Variants in IQCM observed in about 807,000 individuals in gnomAD.
The protein encoded by IQCM is IQ domain-containing protein M.
Under a neutral mutation model 57.6 loss-of-function variants are expected in IQCM, and 45 were observed. That is an observed-to-expected ratio of 0.78 (90% confidence interval 0.62 to 1.00). The LOEUF (loss-of-function observed/expected upper bound fraction) is 1.00. Ranked by LOEUF, IQCM falls within the 50% of genes least tolerant of loss-of-function variation. IQCM has a pLI of 0.00. For missense variants in IQCM, 468 were observed against 511.6 expected, an observed-to-expected ratio of 0.91 and a Z score of 0.82; for synonymous variants, 148 against 158.9, an observed-to-expected ratio of 0.93 and a Z score of 0.51.
At chr4:149,649,197 C>T (rs1468215881) in intron 7 of IQCM, among the ~76,000 whole-genome samples, 1 of 151,914 alleles carries the variant, frequency 6.6e-6, no homozygotes, top group Non-Finnish European at 1.5e-5. Flanking sequence ...AAAAGGACCC[C>T]TCCTTTTCTT....
At chr4:149,751,522 C>A (rs941533096) in intron 2 of IQCM, among the ~76,000 whole-genome samples, 4 of 152,166 alleles carry the variant, frequency 2.6e-5, no homozygotes, top group Non-Finnish European at 5.9e-5. Flanking sequence ...CTGGGAGCTG[C>A]ACAGTCCCAG....
intron 8 of IQCM, among the ~76,000 whole-genome samples, chr4:149,588,699 G>A (rs1752863951): frequency 6.6e-6 from 1 of 151,798 alleles, no homozygotes; most frequent in African/African-American, 2.4e-5. Flanking sequence ...AGAAACATCA[G>A]GAGAAACCAA....
chr4:149,422,982 A>G (rs1439499369), intron 13 of IQCM, among the ~76,000 whole-genome samples: 1 of 152,086 alleles, frequency 6.6e-6, no homozygotes, highest in Non-Finnish European at 1.5e-5. Flanking sequence ...ATATTGATGC[A>G]TAGGACATTA....
chr4:149,491,303 A>G (rs1207568809), intron 12 of IQCM, among the ~76,000 whole-genome samples: 1 of 152,090 alleles, frequency 6.6e-6, no homozygotes, highest in East Asian at 1.9e-4. Flanking sequence ...AACACTTAAA[A>G]TTATTCTCTT....
chr4:149,717,738 C>T (rs1453621458), intron 5 of IQCM, among the ~76,000 whole-genome samples: 1 of 152,146 alleles, frequency 6.6e-6, no homozygotes, highest in African/African-American at 2.4e-5. Context: ...TTATGGGTCC[C>T]TTGGCTACAT....
chr4:149,622,427 C>T (rs1756428410), intron 7 of IQCM, among the ~76,000 whole-genome samples: 1 of 151,052 alleles, frequency 6.6e-6, no homozygotes, highest in African/African-American at 2.4e-5. Flanking sequence ...ACTGCAAGCT[C>T]TGCCTCCCAG....
intron 13 of IQCM, among the ~76,000 whole-genome samples, chr4:149,374,993 GTGTGT>G (rs752077261): frequency 2.0e-3 from 253 of 123,684 alleles, no homozygotes; most frequent in Middle Eastern, 4.3e-3. Context: ...GTGTGTGTGT[GTGTGT>G]TGTGTGTGTG....
chr4:149,755,607 C>T (rs182351896), intron 2 of IQCM, among the ~76,000 whole-genome samples: 1 of 152,310 alleles, frequency 6.6e-6, no homozygotes, highest in Admixed American at 6.5e-5. Flanking sequence ...TTGCAACCCT[C>T]CCTAAATCCC....
At chr4:149,580,149 G>A (rs956449906) in intron 9 of IQCM, among the ~76,000 whole-genome samples, 13 of 151,722 alleles carry the variant, frequency 8.6e-5, no homozygotes, top group African/African-American at 2.7e-4. Flanking sequence ...GAACTGAAAC[G>A]CAAGCCACAA....
chr4:149,395,239 G>T (rs538754161), intron 13 of IQCM, among the ~76,000 whole-genome samples: 2 of 152,002 alleles, frequency 1.3e-5, no homozygotes, highest in African/African-American at 2.4e-5. Flanking sequence ...TCCTATTTTC[G>T]TTGCCAGCAG....
chr4:149,720,638 G>C (rs148829491), intron 5 of IQCM, among the ~76,000 whole-genome samples: 5 of 152,120 alleles, frequency 3.3e-5, no homozygotes, highest in African/African-American at 9.7e-5. Context: ...ATTCTGTTTA[G>C]GTTCTTTCTG....
At chr4:149,363,879 A>G (rs1729660172) in intron 13 of IQCM, among the ~76,000 whole-genome samples, 1 of 152,210 alleles carries the variant, frequency 6.6e-6, no homozygotes, top group African/African-American at 2.4e-5. Context: ...AACAATGAAG[A>G]CAAGTGCATT....
intron 12 of IQCM, among the ~76,000 whole-genome samples, chr4:149,463,885 G>C (rs1326326723): frequency 6.6e-6 from 1 of 152,122 alleles, no homozygotes; most frequent in Non-Finnish European, 1.5e-5. Flanking sequence ...CTGAGACTTA[G>C]CTTTATAAAA....
At chr4:149,438,962 G>C (rs910989283) in intron 12 of IQCM, among the ~76,000 whole-genome samples, 1 of 151,866 alleles carries the variant, frequency 6.6e-6, no homozygotes, top group Non-Finnish European at 1.5e-5. Flanking sequence ...CCTTGACTAA[G>C]AGTAAATAAT....
intron 13 of IQCM, among the ~76,000 whole-genome samples, chr4:149,401,487 G>A (rs374668229): frequency 7.3e-5 from 11 of 151,648 alleles, no homozygotes; most frequent in African/African-American, 2.7e-4. Flanking sequence ...TTTAGTTAAG[G>A]ACCATATATG....
intron 2 of IQCM, among the ~76,000 whole-genome samples, chr4:149,775,997 T>C (rs994020030): frequency 1.3e-5 from 2 of 152,130 alleles, no homozygotes; most frequent in African/African-American, 4.8e-5. Flanking sequence ...TAGGACACTT[T>C]TGAGACTAGG....
At chr4:149,529,746 T>C (rs1483117659) in intron 12 of IQCM, among the ~76,000 whole-genome samples, 32 of 152,184 alleles carry the variant, frequency 2.1e-4, no homozygotes, top group Admixed American at 2.1e-3. Flanking sequence ...TCCCACTCTC[T>C]TACAGGTCCA....
intron 5 of IQCM, among the ~76,000 whole-genome samples, chr4:149,712,168 C>A (rs1451242027): frequency 1.3e-5 from 2 of 152,042 alleles, no homozygotes; most frequent in South Asian, 4.1e-4. Context: ...TTCCAGGGTT[C>A]AGAGGGAATG....
chr4:149,810,686 G>A (rs1024940568), intron 2 of IQCM, among the ~76,000 whole-genome samples: 5 of 151,942 alleles, frequency 3.3e-5, no homozygotes, highest in Non-Finnish European at 7.4e-5. Context: ...CCCTAACCTC[G>A]TGATCTGCCC....
Sources: allele counts gnomAD v4.1 joint callset (sites outside exome capture counted in the v4.1 genomes callset), GRCh38; gene constraint gnomAD v4.1.1; transcripts MANE v1.5; gene names NCBI Gene and HGNC (gene_info 2026-07-23, HGNC 2026-07-21).